Variants in DNAJC25 observed in about 807,000 individuals in gnomAD.
The protein encoded by DNAJC25 is DnaJ heat shock protein family (Hsp40) member C25.
A neutral mutation model predicts 42.1 loss-of-function variants in DNAJC25; 26 were observed. That is an observed-to-expected ratio of 0.62 (90% CI 0.45 to 0.86). The LOEUF (loss-of-function observed/expected upper bound fraction) is 0.86, where lower values mean the gene tolerates loss of function less well. Among genes scored for constraint, DNAJC25 ranks in the 40% least tolerant of loss-of-function variants. DNAJC25 has a pLI of 0.00. For synonymous variants in DNAJC25, 189 were observed against 179.9 expected (o/e 1.05, Z -0.40); for missense variants, 404 against 459.4 (o/e 0.88, Z 1.10).
At chr9:111,642,669 A>G (rs1166746159) in intron 1 of DNAJC25, among the ~76,000 whole-genome samples, 1 of 149,760 alleles carries the variant, frequency 6.7e-6, no homozygotes, top group Non-Finnish European at 1.5e-5. Flanking sequence ...ACTAGCTGCA[A>G]TATCAAATTA....
chr9:111,642,679 A>C (rs937849607), intron 1 of DNAJC25, among the ~76,000 whole-genome samples: 1 of 151,212 alleles, frequency 6.6e-6, no homozygotes, highest in African/African-American at 2.4e-5. Context: ...ATATCAAATT[A>C]TTACAATTTA....
chr9:111,635,535 A>G (rs1236214678), intron 1 of DNAJC25, among the ~76,000 whole-genome samples: 1 of 152,250 alleles, frequency 6.6e-6, no homozygotes, highest in African/African-American at 2.4e-5. Flanking sequence ...AGTGAGAATG[A>G]TAATTTTTGA....
intron 2 of DNAJC25, among the ~76,000 whole-genome samples, chr9:111,649,117 A>T (rs973613495): frequency 1.1e-4 from 17 of 152,128 alleles, no homozygotes; most frequent in African/African-American, 3.6e-4. Context: ...AAGAAAAAAA[A>T]TTTTTTAAAG....
Position 111,649,937 on chromosome 9 carries a change from C to A in DNAJC25, c.960+14C>A. On this transcript the variant is annotated intron_variant, in intron 3 of 3. Coordinates refer to ENST00000313525, the MANE Select transcript of DNAJC25 (RefSeq NM_001015882.3). The stretch of plus-strand genomic sequence containing the variant: ...GAGAATTATGAGGTGAGTAGTCACC[C>A]TGCTGTGATTTAAGTGTCATCCACC... 1 of 1,538,184 alleles carries A rather than the reference C, an allele frequency of 6.5e-7. No homozygotes were observed. Among genetic ancestry groups the A allele is most frequent in the South Asian group, 1.3e-5 (1 of 75,922 alleles).
In DNAJC25 at chr9:111,653,412, C is replaced by T. The variant is rs1830694987; in HGVS notation, c.*190C>T. 5.6e-6 allele frequency: 3 copies of T among 538,852 alleles called. No homozygotes were observed. Among genetic ancestry groups the T allele is most frequent in the East Asian group, 7.8e-5 (2 of 25,658 alleles). The allele number at this position is 538,852 out of a possible 1,614,324, so 33.4% of individuals were successfully genotyped here. ...TATACATAAGACATTTATGATTGTTCAATTTTTATAATCTATTTGTGGATT... is the reference window on the plus strand; with the variant it reads ...TATACATAAGACATTTATGATTGTTTAATTTTTATAATCTATTTGTGGATT... On this transcript the variant is annotated 3_prime_UTR_variant, in exon 4 of 4. Transcript: ENST00000313525.
chr9:111,634,679 A>C (rs1830338860), intron 1 of DNAJC25, among the ~76,000 whole-genome samples: 1 of 151,930 alleles, frequency 6.6e-6, no homozygotes, highest in Non-Finnish European at 1.5e-5. Flanking sequence ...TGGATTTATG[A>C]TTCTGAGGTG....
chr9:111,638,973 C>A (rs1448655169), intron 1 of DNAJC25, among the ~76,000 whole-genome samples: 2 of 152,032 alleles, frequency 1.3e-5, no homozygotes, highest in Non-Finnish European at 2.9e-5. Flanking sequence ...TTCCCTGAAT[C>A]CATGATATTT....
chr9:111,632,346 C>T (rs904717378), intron 1 of DNAJC25, among the ~76,000 whole-genome samples: 1 of 152,140 alleles, frequency 6.6e-6, no homozygotes, highest in Non-Finnish European at 1.5e-5. Context: ...GCCATGATAC[C>T]TCCTCTCAGA....
intron 2 of DNAJC25, among the ~76,000 whole-genome samples, chr9:111,648,392 G>C (rs1830599059): frequency 6.6e-6 from 1 of 151,758 alleles, no homozygotes; most frequent in South Asian, 2.1e-4. Flanking sequence ...CTCCTGCATA[G>C]CTGGGACTAC....
chr9:111,637,831 C>T (rs1039486085), intron 1 of DNAJC25, among the ~76,000 whole-genome samples: 6 of 152,236 alleles, frequency 3.9e-5, no homozygotes, highest in African/African-American at 1.2e-4. Flanking sequence ...ACTTCCTTGA[C>T]GTGATCTTTG....
At position 111,631,817 on chromosome 9, in the gene DNAJC25, G is replaced by T. The variant is rs1830285775; in HGVS notation, c.336+74G>T. On this transcript the variant is annotated intron_variant, in intron 1 of 3. Transcript: ENST00000313525. Reference sequence around the variant, plus strand: ...CCACGGCGCCTTCCGACCCCGGTCCGCGGAGCGTGGGCCTCTGTGACCCCG... The same window carrying T: ...CCACGGCGCCTTCCGACCCCGGTCCTCGGAGCGTGGGCCTCTGTGACCCCG... 9 of 1,444,026 alleles carry T rather than the reference G, an allele frequency of 6.2e-6. No individual in the cohort carries two copies. The South Asian group carries it at 6.9e-5, about 11-fold the overall frequency. The allele number at this position is 1,444,026 out of a possible 1,614,324, so 89.5% of individuals were successfully genotyped here. A position where few individuals can be genotyped will look rare whatever the true frequency, so the allele number is the denominator to read the frequency against.
At chr9:111,644,795 A>G (rs1338414163) in intron 1 of DNAJC25, among the ~76,000 whole-genome samples, 1 of 152,238 alleles carries the variant, frequency 6.6e-6, no homozygotes, top group Non-Finnish European at 1.5e-5. Flanking sequence ...CATTTCTATA[A>G]AATTAGCCCA....
Position 111,654,167 on chromosome 9 carries a change from TC to T in DNAJC25, c.*946del, listed in dbSNP as rs1830710229. 1 of 152,256 alleles carries T rather than the reference TC, an allele frequency of 6.6e-6. No individual in the cohort carries two copies. The highest frequency in any genetic ancestry group is 1.5e-5 in the Non-Finnish European group (1 of 68,050). The allele number at this position is 152,256 out of a possible 1,614,324, so 9.4% of individuals were successfully genotyped here. On this transcript the variant is annotated 3_prime_UTR_variant, in exon 4 of 4. Coordinates refer to ENST00000313525, the MANE Select transcript of DNAJC25 (RefSeq NM_001015882.3). Reference sequence around the variant, plus strand: ...AACGAGGTACATGGCTGTGTGCTCTTCTGTCAACCAATGAAATGTGTTTTCA... The same window carrying T: ...AACGAGGTACATGGCTGTGTGCTCTTTGTCAACCAATGAAATGTGTTTTCA...
chr9:111,647,077 T>C (rs1703300346), intron 1 of DNAJC25, 30 bp from the exon 2 acceptor site: 2 of 1,610,356 alleles, frequency 1.2e-6, no homozygotes, highest in Non-Finnish European at 1.7e-6. Context: ...TGGACTGTCC[T>C]ATGAAGTTGG....
chr9:111,649,800 G>C lies in DNAJC25; in HGVS notation c.837G>C (p.Glu279Asp). 1 of 1,613,948 alleles carries C rather than the reference G, an allele frequency of 6.2e-7. No individual in the cohort carries two copies. Among genetic ancestry groups the C allele is most frequent in the African/African-American group, 1.3e-5 (1 of 75,032 alleles). ...ACATCAAAGGCAAAGAATATGGAGA[G>C]GAAGAGAGATTATACATTATACGTA... ...NFNIKGKEYGEEERLYIIRKS... is the reference protein window; with the variant it reads ...NFNIKGKEYGDEERLYIIRKS... The change falls in exon 3 of 4, where the codon GAG (glutamate) becomes GAC (aspartate). Residue 279 changes from glutamate (E) to aspartate (D), a missense_variant. Transcript: ENST00000313525.
chr9:111,638,241 A>G (rs1195162176), intron 1 of DNAJC25, among the ~76,000 whole-genome samples: 1 of 152,246 alleles, frequency 6.6e-6, no homozygotes, highest in Admixed American at 6.5e-5. Context: ...AGATACTAAA[A>G]CTAGTTGAAA....
Position 111,631,633 on chromosome 9 carries a change from T to C in DNAJC25, c.226T>C (p.Tyr76His). ...ARAYRQLARR[Y>H]HPDRYRPQPG... ...GGCCTACCGCCAGCTGGCCCGGCGC[T>C]ACCACCCTGACCGCTACCGGCCCCA... The change falls in exon 1 of 4, where the codon TAC becomes CAC. Residue 76 changes from tyrosine (Y) to histidine (H), a missense_variant. Coordinates refer to ENST00000313525, the MANE Select transcript of DNAJC25 (RefSeq NM_001015882.3). 6.6e-7 allele frequency: 1 copy of C among 1,508,432 alleles called. No homozygotes were observed. Among genetic ancestry groups the C allele is most frequent in the Non-Finnish European group, 8.8e-7 (1 of 1,135,882 alleles). 93.4% of individuals were successfully genotyped at this position (1,508,432 alleles called of 1,614,324 possible). A position where few individuals can be genotyped will look rare whatever the true frequency, so the allele number is the denominator to read the frequency against.
intron 3 of DNAJC25, among the ~76,000 whole-genome samples, chr9:111,652,075 G>T (rs2131271331): frequency 6.6e-6 from 1 of 152,212 alleles, no homozygotes; most frequent in African/African-American, 2.4e-5. Context: ...AATTTACAAA[G>T]ACTATATTAA....
chr9:111,642,628 A>T (rs866681515), intron 1 of DNAJC25, among the ~76,000 whole-genome samples: 1 of 151,626 alleles, frequency 6.6e-6, no homozygotes, highest in African/African-American at 2.4e-5. Flanking sequence ...TAAATAAATA[A>T]ATAAATAAAT....
Sources: gnomAD v4.1 joint callset for allele counts (sites outside exome capture counted in the v4.1 genomes callset) on GRCh38, gnomAD v4.1.1 for gene constraint, MANE v1.5 for transcripts, NCBI Gene and HGNC (gene_info 2026-07-23, HGNC 2026-07-21) for gene names.